LIPH: variants seen among roughly 807,000 people sequenced by gnomAD.
LIPH encodes the protein lipase member H.
A neutral mutation model predicts 47.6 loss-of-function variants in LIPH; 32 were observed. The ratio of observed to expected loss-of-function variants is 0.67; its 90% CI spans 0.51 to 0.90. The LOEUF (loss-of-function observed/expected upper bound fraction) is 0.90, where lower values mean the gene tolerates loss of function less well. Ranked by LOEUF, LIPH falls within the 40% of genes least tolerant of loss-of-function variation. The pLI, the probability that LIPH is intolerant of heterozygous loss-of-function variation, is 0.00. For synonymous variants in LIPH, 190 were observed against 195.6 expected, an observed-to-expected ratio of 0.97 and a Z score of 0.24; for missense variants, 497 against 541.4, an observed-to-expected ratio of 0.92 and a Z score of 0.81.
chr3:185,546,845 T>A, intron 1 of LIPH: 1 of 410,906 alleles, frequency 2.4e-6, no homozygotes, highest in Non-Finnish European at 4.7e-6. Flanking sequence ...CTGTGCTGTC[T>A]CAGCTACACA....
In LIPH at chr3:185,527,488, A is replaced by C. The variant is rs766344822; in HGVS notation, c.624T>G (p.Thr208=). The change falls in exon 4 of 10, where the codon ACT becomes ACG. Residue 208 remains threonine, a synonymous_variant. Coordinates refer to ENST00000296252, the MANE Select transcript of LIPH (RefSeq NM_139248.3). ...AQFVDVIHSD[T]DALGYKEPLG... ...CCACAAGGAAAGGAGCGTTACCATC[A>C]GTGTCGGAATGGATGACATCAACAA... 3.1e-6 allele frequency: 5 copies of C among 1,607,236 alleles called. No individual in the cohort carries two copies. In the South Asian group the frequency reaches 4.4e-5, roughly 14 times the overall value.
intron 7 of LIPH, among the ~76,000 whole-genome samples, 176 bp from the exon 8 acceptor site, chr3:185,514,697 T>G (rs528436700): frequency 6.6e-6 from 1 of 152,326 alleles, no homozygotes; most frequent in East Asian, 1.9e-4. Flanking sequence ...TTCTCTTTGG[T>G]AAAGATGGCA....
At chr3:185,536,431 T>A (rs1228367724) in intron 1 of LIPH, among the ~76,000 whole-genome samples, 1 of 152,122 alleles carries the variant, frequency 6.6e-6, no homozygotes, top group Non-Finnish European at 1.5e-5. Context: ...TCTGACTTCC[T>A]CCAATAGGAA....
chr3:185,523,273 G>A (rs1360970102), intron 5 of LIPH, among the ~76,000 whole-genome samples: 1 of 152,046 alleles, frequency 6.6e-6, no homozygotes, highest in Non-Finnish European at 1.5e-5. Flanking sequence ...CAAACATGTG[G>A]CTATAGTTTT....
At chr3:185,512,465 A>C (rs1238221255) in intron 8 of LIPH, among the ~76,000 whole-genome samples, 2 of 150,702 alleles carry the variant, frequency 1.3e-5, no homozygotes, top group Admixed American at 6.6e-5. Flanking sequence ...TGGGAACAGA[A>C]GGCTTGCTCT....
At chr3:185,542,696 A>C (rs1720750102) in intron 1 of LIPH, among the ~76,000 whole-genome samples, 1 of 152,220 alleles carries the variant, frequency 6.6e-6, no homozygotes, top group African/African-American at 2.4e-5. Flanking sequence ...TATTCACAAT[A>C]GCAAAGATAT....
chr3:185,529,751 G>A (rs550228526), intron 3 of LIPH, among the ~76,000 whole-genome samples: 1 of 151,172 alleles, frequency 6.6e-6, no homozygotes, highest in Non-Finnish European at 1.5e-5. Flanking sequence ...TTTGTTGAGT[G>A]TGGTGGCTCA....
At chr3:185,523,639 T>C (rs146316335) in intron 5 of LIPH, among the ~76,000 whole-genome samples, 167 of 152,278 alleles carry the variant, frequency 1.1e-3, no homozygotes, top group African/African-American at 3.7e-3. Context: ...ACTCCTGGGC[T>C]CAAGCAATCT....
intron 1 of LIPH, among the ~76,000 whole-genome samples, chr3:185,550,579 A>T (rs962484515): frequency 2.6e-5 from 4 of 151,706 alleles, no homozygotes; most frequent in African/African-American, 4.8e-5. Context: ...ATTATTATAT[A>T]TTTTTTTTGA....
At chr3:185,545,710 TAAAACAAA>T (rs893512977) in intron 1 of LIPH, among the ~76,000 whole-genome samples, 2 of 151,034 alleles carry the variant, frequency 1.3e-5, no homozygotes, top group African/African-American at 2.4e-5. Context: ...CCCATCTCCA[TAAAACAAA>T]AAAACAAAAA....
rs1334644348 is a variant in LIPH, at chr3:185,506,681, A to G, written c.*2109T>C. Reference sequence around the variant, plus strand: ...AAACCAGGTCTCTACTAAAAATACAAAAATTAGCCAGGCATGGTGGGGGCG... The same window carrying G: ...AAACCAGGTCTCTACTAAAAATACAGAAATTAGCCAGGCATGGTGGGGGCG... On this transcript the variant is annotated 3_prime_UTR_variant, in exon 10 of 10. Coordinates refer to ENST00000296252, the MANE Select transcript of LIPH (RefSeq NM_139248.3). 1 of 152,032 alleles carries G rather than the reference A, an allele frequency of 6.6e-6. No homozygotes were observed. Among genetic ancestry groups the G allele is most frequent in the Admixed American group, 6.6e-5 (1 of 15,234 alleles). The allele number at this position is 152,032 out of a possible 1,614,324, so 9.4% of individuals were successfully genotyped here. A position where few individuals can be genotyped will look rare whatever the true frequency, so the allele number is the denominator to read the frequency against.
chr3:185,526,961 C>T (rs891570636), intron 4 of LIPH, among the ~76,000 whole-genome samples: 3 of 151,956 alleles, frequency 2.0e-5, no homozygotes, highest in Non-Finnish European at 2.9e-5. Flanking sequence ...AAAAATATGC[C>T]GGGCGCGGTG....
intron 9 of LIPH, 21 bp downstream of exon 9, chr3:185,511,503 C>A: frequency 6.2e-7 from 1 of 1,613,558 alleles, no homozygotes; most frequent in South Asian, 1.1e-5. Flanking sequence ...AGCGTTTTGT[C>A]AAACCGTACC....
At chr3:185,545,322 C>G (rs1366807549) in intron 1 of LIPH, among the ~76,000 whole-genome samples, 1 of 152,172 alleles carries the variant, frequency 6.6e-6, no homozygotes, top group Non-Finnish European at 1.5e-5. Flanking sequence ...CCTTCTATCT[C>G]TTAAAAGAAA....
chr3:185,524,910 G>A (rs183840256), intron 4 of LIPH, among the ~76,000 whole-genome samples: 54 of 152,262 alleles, frequency 3.5e-4, no homozygotes, highest in African/African-American at 1.1e-3. Flanking sequence ...AAAAAGATTG[G>A]AACTACTTCT....
chr3:185,519,053 G>A (rs1719817698), intron 6 of LIPH, 89 bp downstream of exon 6: 1 of 1,108,996 alleles, frequency 9.0e-7, no homozygotes, highest in Non-Finnish European at 1.4e-6. Flanking sequence ...CAATTATGGG[G>A]CCAGTTTTTA....
At chr3:185,531,121 C>A (rs1259976725) in intron 3 of LIPH, among the ~76,000 whole-genome samples, 1 of 152,166 alleles carries the variant, frequency 6.6e-6, no homozygotes, top group Non-Finnish European at 1.5e-5. Flanking sequence ...CTGCATACTA[C>A]GTGTGAGCGG....
chr3:185,523,627 G>A (rs1719973582), intron 5 of LIPH, among the ~76,000 whole-genome samples: 1 of 152,042 alleles, frequency 6.6e-6, no homozygotes, highest in Non-Finnish European at 1.5e-5. Flanking sequence ...GGGTGGTCTT[G>A]AACTCCTGGG....
intron 3 of LIPH, among the ~76,000 whole-genome samples, chr3:185,532,912 C>T (rs533376261): frequency 6.6e-6 from 1 of 152,054 alleles, no homozygotes; most frequent in South Asian, 2.1e-4. Flanking sequence ...TTTTTCCATC[C>T]ACTTCTACCT....
Sources: allele counts gnomAD v4.1 joint callset (sites outside exome capture counted in the v4.1 genomes callset), GRCh38; gene constraint gnomAD v4.1.1; transcripts MANE v1.5; gene names NCBI Gene and HGNC (gene_info 2026-07-23, HGNC 2026-07-21).